Variants in SYNE1 observed in about 807,000 individuals in gnomAD.
SYNE1 encodes nesprin-1.
A neutral mutation model predicts 1,111.0 loss-of-function variants in SYNE1; 616 were observed. The observed-to-expected ratio is 0.55, with a 90% CI of 0.52 to 0.59. The LOEUF (loss-of-function observed/expected upper bound fraction) is 0.59, where lower values mean the gene tolerates loss of function less well. Ranked by LOEUF, SYNE1 falls within the 20% of genes least tolerant of loss-of-function variation. The pLI is 0.00. For synonymous variants in SYNE1, 3,855 were observed against 3,825.8 expected (o/e 1.01, Z -0.28); for missense variants, 10,006 against 10,417.0 (o/e 0.96, Z 1.72).
chr6:152,255,477 A>T (rs1191376662), intron 103 of SYNE1, 114 bp downstream of exon 103: 2 of 1,204,242 alleles, frequency 1.7e-6, no homozygotes, highest in South Asian at 1.2e-5. Flanking sequence ...TATGTTCTGC[A>T]TTATTAGAAT....
At chr6:152,564,306 T>TG (rs1340974698) in intron 3 of SYNE1, among the ~76,000 whole-genome samples, 3 of 152,108 alleles carry the variant, frequency 2.0e-5, no homozygotes, top group Non-Finnish European at 4.4e-5. Flanking sequence ...AATGTTTGTT[T>TG]TTTGTTTGTT....
chr6:152,143,794 T>C lies in SYNE1; in HGVS notation c.24977-29A>G, dbSNP rs750942711. 2.5e-6 allele frequency: 4 copies of C among 1,614,178 alleles called. No individual in the cohort carries two copies. The South Asian group carries it at 4.4e-5, about 18-fold the overall frequency. ...CGGTGGCAACCATAAGAATCTTTAC[T>C]GGACAAACTATTTGACTTATTTAAA... On this transcript the variant is annotated intron_variant, in intron 137 of 145. Transcript: ENST00000367255.
chr6:152,452,090 C>A (rs1261096151), intron 25 of SYNE1, among the ~76,000 whole-genome samples: 3 of 151,892 alleles, frequency 2.0e-5, no homozygotes, highest in East Asian at 3.9e-4. Context: ...CATTGAGAAA[C>A]AAGCAAGCAA....
Position 152,145,545 on chromosome 6 carries a change from G to T in SYNE1, c.24977-1780C>A. 8 of 1,613,986 alleles carry T rather than the reference G, an allele frequency of 5.0e-6. No individual in the cohort carries two copies. Among genetic ancestry groups the T allele is most frequent in the Non-Finnish European group, 6.8e-6 (8 of 1,179,916 alleles). ...TTACATAGGCCTCAGGGCTTTCGGG[G>T]ATCATTACATCTGCAAAAAAAGCAC... On this transcript the variant is annotated intron_variant, in intron 137 of 145. Transcript: ENST00000367255.
chr6:152,225,001 A>G (rs1357858384), intron 116 of SYNE1, among the ~76,000 whole-genome samples: 8 of 147,534 alleles, frequency 5.4e-5, no homozygotes, highest in Non-Finnish European at 1.0e-4. Flanking sequence ...TTAAGTTATA[A>G]GAGGTTGATA....
chr6:152,446,329 T>C (rs1774129454), intron 29 of SYNE1, among the ~76,000 whole-genome samples: 1 of 152,058 alleles, frequency 6.6e-6, no homozygotes, highest in South Asian at 2.1e-4. Context: ...AATCAAAGGA[T>C]TGAAATAGGT....
chr6:152,306,007 A>T (rs2095361386), intron 91 of SYNE1, among the ~76,000 whole-genome samples: 1 of 152,168 alleles, frequency 6.6e-6, no homozygotes, highest in South Asian at 2.1e-4. Flanking sequence ...GGACTTCATT[A>T]TTCTCTTTTG....
In SYNE1 at chr6:152,430,773, C is replaced by T. The variant is rs1294300930; in HGVS notation, c.4462-64G>A. 4 of 1,388,626 alleles carry T rather than the reference C, an allele frequency of 2.9e-6. No homozygotes were observed. In the East Asian group the frequency reaches 9.1e-5, roughly 32 times the overall value. 86.0% of individuals were successfully genotyped at this position (1,388,626 alleles called of 1,614,324 possible). A position where few individuals can be genotyped will look rare whatever the true frequency, so the allele number is the denominator to read the frequency against. On this transcript the variant is annotated intron_variant, in intron 34 of 145. Transcript: ENST00000367255. ...GCAAGCTTGCCTTCCTGAAATGATACAATTATCTGCAAAGAGGGAATATTT... is the reference window on the plus strand; with the variant it reads ...GCAAGCTTGCCTTCCTGAAATGATATAATTATCTGCAAAGAGGGAATATTT...
intron 101 of SYNE1, among the ~76,000 whole-genome samples, chr6:152,260,116 A>T (rs1301995173): frequency 6.6e-6 from 1 of 152,210 alleles, no homozygotes; most frequent in Non-Finnish European, 1.5e-5. Flanking sequence ...CGAATCACAC[A>T]GGTGCTTTAT....
intron 20 of SYNE1, chr6:152,462,445 G>T: frequency 1.9e-6 from 1 of 514,326 alleles, no homozygotes; most frequent in Non-Finnish European, 3.4e-6. Context: ...AAGTATTTAG[G>T]TGCGGGTGCT....
intron 3 of SYNE1, among the ~76,000 whole-genome samples, chr6:152,591,190 ATGT>A (rs767261140): frequency 2.6e-5 from 4 of 152,066 alleles, no homozygotes; most frequent in Non-Finnish European, 5.9e-5. Flanking sequence ...CTCAGCCCAG[ATGT>A]TGTTGGTGTA....
At chr6:152,128,279 T>C (rs1449458976) in intron 145 of SYNE1, 1 of 152,228 alleles carries the variant, frequency 6.6e-6, no homozygotes, top group Non-Finnish European at 1.5e-5. Context: ...ATATGGTTAT[T>C]ATGAATGTAT....
chr6:152,253,629 G>A (rs1195732094), intron 104 of SYNE1, among the ~76,000 whole-genome samples: 1 of 152,026 alleles, frequency 6.6e-6, no homozygotes, highest in Non-Finnish European at 1.5e-5. Flanking sequence ...AACGTCTGCA[G>A]GATGTCGCAA....
intron 5 of SYNE1, among the ~76,000 whole-genome samples, chr6:152,525,772 T>G (rs73782875): frequency 0.027 from 4,079 of 152,322 alleles, 210 homozygotes; most frequent in African/African-American, 0.093. Context: ...GCAACTAATC[T>G]TCTTGTATAC....
At position 152,395,599 on chromosome 6, in the gene SYNE1, C is replaced by T. The variant is rs1445749056; in HGVS notation, c.7629G>A (p.Leu2543=). Residue 2543 remains leucine, a synonymous_variant, in exon 51 of 146, where the codon TTG becomes TTA. Coordinates refer to ENST00000367255, the MANE Select transcript of SYNE1 (RefSeq NM_182961.4). ...CAGGAATGTGCTGTTTACTCTCTCC[C>T]AAGTTTTCCGTATTGAACCTTTCTT... is the stretch of plus-strand genomic sequence containing the variant. The part of the protein sequence containing the change: ...EMEERFNTEN[L]GESKQHIPEK... 6.2e-7 allele frequency: 1 copy of T among 1,614,146 alleles called. No individual in the cohort carries two copies.
intron 34 of SYNE1, chr6:152,433,454 A>C (rs923535698): frequency 3.1e-6 from 1 of 327,746 alleles, no homozygotes; most frequent in African/African-American, 2.1e-5. Flanking sequence ...GTACAGGATG[A>C]ATACATTTCA....
At chr6:152,434,811 A>G (rs2098458496) in intron 33 of SYNE1, 1 of 152,140 alleles carries the variant, frequency 6.6e-6, no homozygotes, top group Non-Finnish European at 1.5e-5. Context: ...AAGGCACTTG[A>G]AGACATCAAG....
intron 3 of SYNE1, among the ~76,000 whole-genome samples, chr6:152,561,328 C>T (rs973736588): frequency 1.3e-5 from 2 of 151,696 alleles, no homozygotes; most frequent in Non-Finnish European, 2.9e-5. Flanking sequence ...ATTCTATTCA[C>T]AATAGCATAA....
intron 3 of SYNE1, among the ~76,000 whole-genome samples, chr6:152,574,791 A>T (rs1403185891): frequency 6.6e-6 from 1 of 151,488 alleles, no homozygotes; most frequent in Non-Finnish European, 1.5e-5. Context: ...TTTCAGGCAC[A>T]CTAACACTTT....
Sources: gnomAD v4.1 joint callset for allele counts (sites outside exome capture counted in the v4.1 genomes callset) on GRCh38, gnomAD v4.1.1 for gene constraint, MANE v1.5 for transcripts, NCBI Gene and HGNC (gene_info 2026-07-23, HGNC 2026-07-21) for gene names.